The following SHC3 variants were observed in gnomAD, a reference collection of about 807,000 sequenced individuals.
SHC3 encodes the protein SHC-transforming protein 3.
A neutral mutation model predicts 60.4 loss-of-function variants in SHC3; 15 were observed. That is an observed-to-expected ratio of 0.25 (90% CI 0.17 to 0.38). The LOEUF is 0.38. SHC3 is among the 10% of genes least tolerant of loss of function. SHC3 has a pLI of 1.00. For missense variants in SHC3, 677 were observed against 786.1 expected, an observed-to-expected ratio of 0.86 and a Z score of 1.66; for synonymous variants, 294 against 325.9, an observed-to-expected ratio of 0.90 and a Z score of 1.05.
In SHC3 at chr9:89,042,100, T is replaced by C; in HGVS notation, c.1286A>G (p.Gln429Arg). The C allele has an allele frequency of 6.3e-7, 1 of 1,596,162 alleles. No homozygotes were observed. Among genetic ancestry groups the C allele is most frequent in the Non-Finnish European group, 8.5e-7 (1 of 1,175,376 alleles). The change falls in exon 10 of 12, where the codon CAG becomes CGG. Residue 429 changes from glutamine to arginine, a missense_variant. Transcript: ENST00000375835. ...AGCCGGCCAGGCCTGTGGTGGGATC[T>C]GCTGAGTGTTGACGTAGGTGGGTGC... is the stretch of plus-strand genomic sequence containing the variant. The part of the protein sequence containing the change: ...GEAPTYVNTQ[Q>R]IPPQAWPAAV...
At chr9:89,059,739 G>A (rs1320413780) in intron 6 of SHC3, among the ~76,000 whole-genome samples, 13 of 124,792 alleles carry the variant, frequency 1.0e-4, no homozygotes, top group Non-Finnish European at 1.7e-4. Context: ...CGGTGGTGGA[G>A]GACGTGGTGG....
intron 2 of SHC3, chr9:89,109,059 C>T (rs1161585987): frequency 3.0e-6 from 3 of 985,440 alleles, no homozygotes; most frequent in African/African-American, 3.5e-5. Flanking sequence ...TGCCCTTCTT[C>T]CTCAATGTCC....
chr9:89,076,567 C>CTT (rs879382891), intron 3 of SHC3, among the ~76,000 whole-genome samples: 6 of 146,470 alleles, frequency 4.1e-5, no homozygotes, highest in African/African-American at 1.5e-4. Context: ...CTAATCCAGG[C>CTT]TTTTTTTTTT....
At chr9:89,057,436 G>T (rs914909421) in intron 6 of SHC3, among the ~76,000 whole-genome samples, 1 of 150,994 alleles carries the variant, frequency 6.6e-6, no homozygotes, top group Non-Finnish European at 1.5e-5. Context: ...AGTAATAAGG[G>T]TATAGCATTT....
intron 2 of SHC3, 87 bp downstream of exon 2, chr9:89,112,469 T>C: frequency 1.2e-5 from 17 of 1,470,940 alleles, no homozygotes; most frequent in Non-Finnish European, 1.6e-5. Flanking sequence ...GGGCCGGTCT[T>C]TTCTTCTAAA....
intron 2 of SHC3, among the ~76,000 whole-genome samples, chr9:89,091,112 T>C (rs1331925679): frequency 6.6e-6 from 1 of 152,248 alleles, no homozygotes; most frequent in Non-Finnish European, 1.5e-5. Flanking sequence ...AATTAATTTA[T>C]CAATTTAATT....
chr9:89,085,079 A>C, intron 2 of SHC3, among the ~76,000 whole-genome samples: 1 of 152,254 alleles, frequency 6.6e-6, no homozygotes, highest in East Asian at 1.9e-4. Flanking sequence ...TTAGTCGTAA[A>C]GCATGAATAC....
chr9:89,174,476 C>G (rs550140363), intron 1 of SHC3, among the ~76,000 whole-genome samples: 91 of 152,296 alleles, frequency 6.0e-4, no homozygotes, highest in African/African-American at 2.1e-3. Context: ...TTCGCTGGAG[C>G]CTTCACAGGT....
chr9:89,178,649 G>A lies in SHC3; in HGVS notation c.-189C>T, dbSNP rs1293266456. The A allele has an allele frequency of 6.4e-6, 3 of 472,242 alleles. No homozygotes were observed. The highest frequency in any genetic ancestry group is 4.4e-5 in the Admixed American group (1 of 22,752). 29.3% of individuals were successfully genotyped at this position (472,242 alleles called of 1,614,324 possible). A position where few individuals can be genotyped will look rare whatever the true frequency, so the allele number is the denominator to read the frequency against. ...TCCCACCGTTAAAAGCCAGCACAGCGGCGGCCGCGCAGCCCCGGCCCGGGA... is the reference window on the plus strand; with the variant it reads ...TCCCACCGTTAAAAGCCAGCACAGCAGCGGCCGCGCAGCCCCGGCCCGGGA... On this transcript the variant is annotated 5_prime_UTR_variant, in exon 1 of 12. Transcript: ENST00000375835. The surrounding 1 kb of genome is among the most constrained non-coding windows in gnomAD (Gnocchi z 6.9).
chr9:89,157,441 C>T (rs1366349945), intron 1 of SHC3, among the ~76,000 whole-genome samples: 2 of 152,180 alleles, frequency 1.3e-5, no homozygotes, highest in Non-Finnish European at 2.9e-5. Flanking sequence ...ACAAATGAGC[C>T]CTGCAGATAC....
intron 1 of SHC3, among the ~76,000 whole-genome samples, chr9:89,113,139 T>C (rs1825974144): frequency 1.3e-5 from 2 of 152,234 alleles, no homozygotes; most frequent in African/African-American, 4.8e-5. Flanking sequence ...CTATGAACTA[T>C]AGATTACCCT....
chr9:89,146,845 C>T (rs1055461872), intron 1 of SHC3, among the ~76,000 whole-genome samples: 3 of 152,108 alleles, frequency 2.0e-5, no homozygotes, highest in South Asian at 4.1e-4. Context: ...ACTGCTAGCA[C>T]GGGTATAAAT....
chr9:89,049,203 G>A (rs765415404), intron 7 of SHC3, among the ~76,000 whole-genome samples: 17 of 152,196 alleles, frequency 1.1e-4, no homozygotes, highest in South Asian at 2.1e-4. Context: ...GGAGCTTGCA[G>A]TGAGCCAAGA....
intron 1 of SHC3, among the ~76,000 whole-genome samples, chr9:89,118,073 A>T (rs1826041540): frequency 6.6e-6 from 1 of 152,018 alleles, no homozygotes; most frequent in Non-Finnish European, 1.5e-5. Context: ...AAGTTTCCTT[A>T]CCCCTCAAAA....
chr9:89,031,603 G>A (rs748656977), intron 11 of SHC3, among the ~76,000 whole-genome samples: 12 of 152,268 alleles, frequency 7.9e-5, no homozygotes, highest in Admixed American at 1.3e-4. Context: ...ATGCTCTATT[G>A]TATGGATATA....
At chr9:89,105,209 C>T (rs901471790) in intron 2 of SHC3, among the ~76,000 whole-genome samples, 14 of 152,154 alleles carry the variant, frequency 9.2e-5, no homozygotes, top group African/African-American at 3.4e-4. Flanking sequence ...AGTCCTCCTG[C>T]CTTTCTGAAG....
chr9:89,137,110 G>GA, intron 1 of SHC3, among the ~76,000 whole-genome samples: 1 of 152,056 alleles, frequency 6.6e-6, no homozygotes, highest in East Asian at 1.9e-4. Flanking sequence ...ACAGCAAAGG[G>GA]AAAATCCACC....
At chr9:89,092,494 G>A (rs1026232487) in intron 2 of SHC3, among the ~76,000 whole-genome samples, 1 of 151,718 alleles carries the variant, frequency 6.6e-6, no homozygotes, top group Admixed American at 6.6e-5. Flanking sequence ...GCGGGCACCT[G>A]TAGTCCCAGC....
intron 11 of SHC3, among the ~76,000 whole-genome samples, chr9:89,027,551 C>T (rs1199599779): frequency 2.0e-5 from 3 of 151,562 alleles, no homozygotes; most frequent in Non-Finnish European, 4.4e-5. Context: ...CCCCTGACCT[C>T]GTGATCCGCC....
Sources: allele counts gnomAD v4.1 joint callset (sites outside exome capture counted in the v4.1 genomes callset), GRCh38; gene constraint gnomAD v4.1.1; non-coding constraint Gnocchi (gnomAD v3.1); transcripts MANE v1.5; gene names NCBI Gene and HGNC (gene_info 2026-07-23, HGNC 2026-07-21).